ST6GALNAC5: variants seen among roughly 807,000 people sequenced by gnomAD.
ST6GALNAC5 encodes the protein ST6 N-acetylgalactosaminide alpha-2,6-sialyltransferase 5.
Under a neutral mutation model 33.6 loss-of-function variants are expected in ST6GALNAC5, and 27 were observed. The ratio of observed to expected loss-of-function variants is 0.80; its 90% CI spans 0.59 to 1.11. The LOEUF is 1.11. Among genes scored for constraint, ST6GALNAC5 ranks in the 50% least tolerant of loss-of-function variants. The pLI is 0.00. For synonymous variants in ST6GALNAC5, 194 were observed against 171.2 expected (o/e 1.13, Z -1.04); for missense variants, 428 against 454.0 (o/e 0.94, Z 0.52).
At chr1:76,960,585 A>T (rs1007131304) in intron 2 of ST6GALNAC5, among the ~76,000 whole-genome samples, 6 of 152,130 alleles carry the variant, frequency 3.9e-5, no homozygotes, top group Non-Finnish European at 1.5e-5. Flanking sequence ...TGGGAGCGAT[A>T]TGGGAGACTG....
At chr1:76,887,994 A>G (rs929689822) in intron 2 of ST6GALNAC5, among the ~76,000 whole-genome samples, 33 of 152,130 alleles carry the variant, frequency 2.2e-4, no homozygotes, top group African/African-American at 8.0e-4. Flanking sequence ...AAACCTGCAA[A>G]TCTTTACGGC....
intron 2 of ST6GALNAC5, among the ~76,000 whole-genome samples, chr1:76,962,889 T>G (rs1648297421): frequency 6.6e-6 from 1 of 152,226 alleles, no homozygotes; most frequent in African/African-American, 2.4e-5. Flanking sequence ...AGATTTATAA[T>G]TCTTTACTGT....
intron 2 of ST6GALNAC5, among the ~76,000 whole-genome samples, chr1:76,932,137 G>A (rs1415170030): frequency 6.6e-6 from 1 of 152,116 alleles, no homozygotes; most frequent in Non-Finnish European, 1.5e-5. Flanking sequence ...TAACTAAAGG[G>A]AGACATTGAA....
chr1:76,966,822 A>G (rs937150166), intron 2 of ST6GALNAC5, among the ~76,000 whole-genome samples: 4 of 152,270 alleles, frequency 2.6e-5, no homozygotes, highest in African/African-American at 7.2e-5. Flanking sequence ...GTTGAATTTT[A>G]TCAAAGGCCT....
intron 2 of ST6GALNAC5, among the ~76,000 whole-genome samples, chr1:76,989,309 T>C (rs1649630115): frequency 6.6e-6 from 1 of 152,014 alleles, no homozygotes; most frequent in Non-Finnish European, 1.5e-5. Flanking sequence ...ACTACACCTT[T>C]CCTTAGTTGT....
chr1:76,889,117 A>G (rs1205490576), intron 2 of ST6GALNAC5, among the ~76,000 whole-genome samples: 3 of 152,110 alleles, frequency 2.0e-5, no homozygotes, highest in Non-Finnish European at 4.4e-5. Context: ...TATGAGTTCA[A>G]TTTTTTTAGA....
At chr1:76,968,150 T>A (rs886455442) in intron 2 of ST6GALNAC5, among the ~76,000 whole-genome samples, 1 of 152,180 alleles carries the variant, frequency 6.6e-6, no homozygotes, top group Non-Finnish European at 1.5e-5. Context: ...TAACCTTCTG[T>A]CTCGTTGATC....
chr1:77,025,589 A>AT (rs1651200698), intron 2 of ST6GALNAC5, among the ~76,000 whole-genome samples: 1 of 152,034 alleles, frequency 6.6e-6, no homozygotes, highest in South Asian at 2.1e-4. Context: ...GGTCTGGAAC[A>AT]TGGGGTGCAT....
chr1:76,916,595 C>G (rs895674269), intron 2 of ST6GALNAC5, among the ~76,000 whole-genome samples: 2 of 151,972 alleles, frequency 1.3e-5, no homozygotes, highest in Non-Finnish European at 2.9e-5. Flanking sequence ...GAACTTGAAG[C>G]AATCTTTAGT....
intron 1 of ST6GALNAC5, among the ~76,000 whole-genome samples, chr1:76,867,937 G>C (rs1044265494): frequency 3.9e-5 from 6 of 152,206 alleles, no homozygotes; most frequent in Admixed American, 1.3e-4. Flanking sequence ...GAGGTCCGAG[G>C]GGGTGGCGGA....
At chr1:76,894,129 A>T (rs1654073194) in intron 2 of ST6GALNAC5, among the ~76,000 whole-genome samples, 2 of 152,172 alleles carry the variant, frequency 1.3e-5, no homozygotes. Flanking sequence ...TGCAGAAGAA[A>T]CTATTTTTAT....
chr1:76,957,908 A>C (rs1436819828), intron 2 of ST6GALNAC5, among the ~76,000 whole-genome samples: 1 of 152,198 alleles, frequency 6.6e-6, no homozygotes, highest in East Asian at 1.9e-4. Context: ...ATGTTTCTTT[A>C]ATCTCCTTTT....
chr1:77,034,557 T>TG (rs1314328572), intron 2 of ST6GALNAC5, among the ~76,000 whole-genome samples: 2 of 152,228 alleles, frequency 1.3e-5, no homozygotes, highest in East Asian at 3.8e-4. Context: ...GGGGATGTCC[T>TG]GGCTTGAAAG....
At chr1:76,880,109 A>G (rs1420661473) in intron 2 of ST6GALNAC5, among the ~76,000 whole-genome samples, 1 of 152,142 alleles carries the variant, frequency 6.6e-6, no homozygotes, top group Admixed American at 6.5e-5. Context: ...TTGTCCACTG[A>G]ACTTAGGACC....
intron 2 of ST6GALNAC5, among the ~76,000 whole-genome samples, chr1:76,869,747 C>A (rs887277583): frequency 6.6e-6 from 1 of 152,156 alleles, no homozygotes; most frequent in South Asian, 2.1e-4. Context: ...AATATTGCCA[C>A]ACACCTGTTT....
At chr1:76,953,655 G>T (rs1457417759) in intron 2 of ST6GALNAC5, among the ~76,000 whole-genome samples, 1 of 151,974 alleles carries the variant, frequency 6.6e-6, no homozygotes, top group African/African-American at 2.4e-5. Context: ...AGAGTCTTTT[G>T]CAGCATAAAA....
At chr1:76,911,888 T>A (rs184360251) in intron 2 of ST6GALNAC5, among the ~76,000 whole-genome samples, 2,033 of 152,244 alleles carry the variant, frequency 0.013, 48 homozygotes, top group African/African-American at 0.046. Context: ...CCTGGATTCA[T>A]TAATTTTTTG....
At chr1:76,928,439 T>A (rs1325055826) in intron 2 of ST6GALNAC5, among the ~76,000 whole-genome samples, 1 of 152,166 alleles carries the variant, frequency 6.6e-6, no homozygotes, top group Non-Finnish European at 1.5e-5. Flanking sequence ...GTCCTTAATA[T>A]ACGTAATTCA....
At chr1:76,907,951 A>G (rs1042937622) in intron 2 of ST6GALNAC5, among the ~76,000 whole-genome samples, 3 of 152,158 alleles carry the variant, frequency 2.0e-5, no homozygotes, top group African/African-American at 7.2e-5. Context: ...CGAACACTTG[A>G]GATGTTTCAA....
Sources: allele counts gnomAD v4.1 joint callset (sites outside exome capture counted in the v4.1 genomes callset), GRCh38; gene constraint gnomAD v4.1.1; transcripts MANE v1.5; gene names NCBI Gene and HGNC (gene_info 2026-07-23, HGNC 2026-07-21).